TMEM163: variants seen among roughly 807,000 people sequenced by gnomAD.
TMEM163 encodes transmembrane protein 163.
Under a neutral mutation model 29.3 loss-of-function variants are expected in TMEM163, and 17 were observed. That is an observed-to-expected ratio of 0.58 (90% CI 0.40 to 0.87). The LOEUF (loss-of-function observed/expected upper bound fraction) is 0.87. Ranked by LOEUF, TMEM163 falls within the 40% of genes least tolerant of loss-of-function variation. The pLI is 0.00. For missense variants in TMEM163, 303 were observed against 381.5 expected (o/e 0.79, Z 1.71); for synonymous variants, 157 against 160.6 (o/e 0.98, Z 0.17).
intron 4 of TMEM163, among the ~76,000 whole-genome samples, chr2:134,537,040 G>GTTGACATATT (rs1367899261): frequency 6.6e-6 from 1 of 152,202 alleles, no homozygotes; most frequent in Non-Finnish European, 1.5e-5. Context: ...TTCAAAATAT[G>GTTGACATATT]TTGCCCACAG....
At chr2:134,711,374 C>T (rs1684923453) in intron 2 of TMEM163, among the ~76,000 whole-genome samples, 1 of 152,136 alleles carries the variant, frequency 6.6e-6, no homozygotes, top group African/African-American at 2.4e-5. Flanking sequence ...AATTCACCTT[C>T]TACATTTTTT....
intron 2 of TMEM163, among the ~76,000 whole-genome samples, chr2:134,577,762 T>C (rs1006758753): frequency 8.2e-5 from 12 of 145,934 alleles, no homozygotes; most frequent in African/African-American, 3.0e-4. Flanking sequence ...AGCCCTTCTC[T>C]GTGGGTTCTT....
chr2:134,706,697 G>A (rs923394482), intron 2 of TMEM163, among the ~76,000 whole-genome samples: 1 of 152,158 alleles, frequency 6.6e-6, no homozygotes, highest in African/African-American at 2.4e-5. Flanking sequence ...GTGGGTTTGG[G>A]GCAAGAAACA....
chr2:134,577,767 G>C (rs1045161788), intron 2 of TMEM163, among the ~76,000 whole-genome samples: 10 of 151,926 alleles, frequency 6.6e-5, no homozygotes, highest in African/African-American at 2.2e-4. Context: ...TTCTCTGTGG[G>C]TTCTTTATCT....
At chr2:134,471,549 AC>A (rs1404041456) in intron 5 of TMEM163, among the ~76,000 whole-genome samples, 1 of 152,164 alleles carries the variant, frequency 6.6e-6, no homozygotes, top group Non-Finnish European at 1.5e-5. Flanking sequence ...TTTTTAAGCC[AC>A]CTAGTCTACG....
intron 2 of TMEM163, among the ~76,000 whole-genome samples, chr2:134,681,072 A>G (rs1453222784): frequency 6.6e-6 from 1 of 152,194 alleles, no homozygotes; most frequent in African/African-American, 2.4e-5. Flanking sequence ...TTCTTGGGTC[A>G]TTCAAGGGTG....
intron 2 of TMEM163, among the ~76,000 whole-genome samples, chr2:134,637,215 A>G (rs2104837091): frequency 6.6e-6 from 1 of 152,230 alleles, no homozygotes; most frequent in Non-Finnish European, 1.5e-5. Flanking sequence ...GTCTGTGTGG[A>G]GTTGGCACAT....
intron 2 of TMEM163, among the ~76,000 whole-genome samples, chr2:134,695,715 T>C (rs1684564058): frequency 6.6e-6 from 1 of 152,198 alleles, no homozygotes; most frequent in African/African-American, 2.4e-5. Context: ...GTGTCTTAAA[T>C]TCAAAAGCCT....
At chr2:134,483,836 G>T (rs941620141) in intron 5 of TMEM163, among the ~76,000 whole-genome samples, 6 of 152,186 alleles carry the variant, frequency 3.9e-5, no homozygotes, top group Non-Finnish European at 8.8e-5. Context: ...GAGAAAACAT[G>T]ATTTTTGAGA....
At position 134,500,952 on chromosome 2, in the gene TMEM163, T is replaced by A. The variant is rs187396722; in HGVS notation, c.555+1949A>T. Reference sequence around the variant, plus strand: ...AATAATATACTATATAGGTTATAATTGTATAATATATCACATATTATATAG... The same window carrying A: ...AATAATATACTATATAGGTTATAATAGTATAATATATCACATATTATATAG... On this transcript the variant is annotated intron_variant, in intron 5 of 7. Coordinates refer to ENST00000281924, the MANE Select transcript of TMEM163 (RefSeq NM_030923.5). 3.3e-5 allele frequency among the ~76,000 whole-genome samples: 5 copies of A among 152,256 alleles called. No individual in the cohort carries two copies. In the East Asian group the frequency reaches 9.6e-4, roughly 29 times the overall value.
At chr2:134,462,570 C>T (rs1042074318) in intron 6 of TMEM163, among the ~76,000 whole-genome samples, 1 of 152,194 alleles carries the variant, frequency 6.6e-6, no homozygotes, top group Non-Finnish European at 1.5e-5. Context: ...CCAAACTCCC[C>T]ACTTTTCTTT....
chr2:134,577,929 G>A (rs552096207), intron 2 of TMEM163, among the ~76,000 whole-genome samples: 4 of 152,112 alleles, frequency 2.6e-5, no homozygotes, highest in South Asian at 2.1e-4. Context: ...TAAAGTATAC[G>A]GGAGGATGTG....
At chr2:134,681,187 C>A (rs1325282972) in intron 2 of TMEM163, among the ~76,000 whole-genome samples, 1 of 152,214 alleles carries the variant, frequency 6.6e-6, no homozygotes, top group Non-Finnish European at 1.5e-5. Flanking sequence ...AACACAGCCA[C>A]CCAGCAGTGC....
At chr2:134,506,062 G>A (rs983793941) in intron 4 of TMEM163, among the ~76,000 whole-genome samples, 3 of 152,148 alleles carry the variant, frequency 2.0e-5, no homozygotes, top group Non-Finnish European at 4.4e-5. Context: ...CCAAATGCCC[G>A]TGGAATAGCC....
At chr2:134,639,990 C>G (rs530608857) in intron 2 of TMEM163, among the ~76,000 whole-genome samples, 2 of 152,232 alleles carry the variant, frequency 1.3e-5, no homozygotes, top group Non-Finnish European at 2.9e-5. Context: ...TAAAAATAAA[C>G]CCCAGTTTCC....
intron 2 of TMEM163, among the ~76,000 whole-genome samples, chr2:134,572,281 G>C (rs997796297): frequency 1.3e-5 from 2 of 152,152 alleles, no homozygotes; most frequent in African/African-American, 4.8e-5. Flanking sequence ...CCCAAAGTCT[G>C]TCCACTTCAG....
chr2:134,615,221 A>G (rs1444779994), intron 2 of TMEM163, among the ~76,000 whole-genome samples: 1 of 152,240 alleles, frequency 6.6e-6, no homozygotes, highest in Non-Finnish European at 1.5e-5. Context: ...TAAAAAGGAT[A>G]AGACATCAAT....
rs1211034814 is a variant in TMEM163, at chr2:134,456,227, C to CTGA, written c.*486_*488dup. On this transcript the variant is annotated 3_prime_UTR_variant, in exon 8 of 8. Coordinates refer to ENST00000281924, the MANE Select transcript of TMEM163 (RefSeq NM_030923.5). ...AAACAGTATGAAATAATGAGATACACTGATAGAAATTAGGAAGTGACATAC... is the reference window on the plus strand; with the variant it reads ...AAACAGTATGAAATAATGAGATACACTGATGATAGAAATTAGGAAGTGACATAC... 6.3e-6 allele frequency: 1 copy of CTGA among 157,638 alleles called. No individual in the cohort carries two copies. The highest frequency in any genetic ancestry group is 2.4e-5 in the African/African-American group (1 of 41,494). 9.8% of individuals were successfully genotyped at this position (157,638 alleles called of 1,614,324 possible). A position where few individuals can be genotyped will look rare whatever the true frequency, so the allele number is the denominator to read the frequency against.
chr2:134,677,774 G>A (rs1312799700), intron 2 of TMEM163, among the ~76,000 whole-genome samples: 2 of 152,132 alleles, frequency 1.3e-5, no homozygotes, highest in African/African-American at 2.4e-5. Flanking sequence ...ATATTATTTT[G>A]TAGTAATTAA....
Sources: gnomAD v4.1 joint callset for allele counts (sites outside exome capture counted in the v4.1 genomes callset) on GRCh38, gnomAD v4.1.1 for gene constraint, MANE v1.5 for transcripts, NCBI Gene and HGNC (gene_info 2026-07-23, HGNC 2026-07-21) for gene names.